USP40: variants seen among roughly 807,000 people sequenced by gnomAD.
USP40 encodes ubiquitin specific peptidase 40, also known as ubiquitin carboxyl-terminal hydrolase 40.
In USP40, 143 loss-of-function variants were observed where a neutral mutation model predicts 166.2. The observed-to-expected ratio is 0.86, with a 90% confidence interval of 0.75 to 0.99. The LOEUF is 0.99. Ranked by LOEUF, USP40 falls within the 50% of genes least tolerant of loss-of-function variation. USP40 has a pLI of 0.00. For missense variants in USP40, 1,444 were observed against 1,479.7 expected (o/e 0.98, Z 0.40); for synonymous variants, 498 against 524.0 (o/e 0.95, Z 0.68).
intron 4 of USP40, among the ~76,000 whole-genome samples, chr2:233,558,557 G>A (rs1170384565): frequency 1.3e-5 from 2 of 152,130 alleles, no homozygotes; most frequent in Non-Finnish European, 1.5e-5. Context: ...TCCAGAATAG[G>A]CAAATTCATA....
chr2:233,548,479 G>A (rs1037007677), intron 8 of USP40, among the ~76,000 whole-genome samples: 3 of 152,090 alleles, frequency 2.0e-5, no homozygotes, highest in Non-Finnish European at 4.4e-5. Context: ...GAATTGTGCT[G>A]TCTCTTTATG....
At chr2:233,516,675 G>A (rs9287602) in intron 18 of USP40, among the ~76,000 whole-genome samples, 1,963 of 149,738 alleles carry the variant, frequency 0.013, 40 homozygotes, top group African/African-American at 0.045. Context: ...GTGACAGAGC[G>A]AGACTCCATC....
intron 21 of USP40, among the ~76,000 whole-genome samples, chr2:233,501,277 C>T (rs1326613613): frequency 6.6e-6 from 1 of 152,134 alleles, no homozygotes; most frequent in Non-Finnish European, 1.5e-5. Context: ...GGCTGAAGCA[C>T]AGTGAGTAAG....
intron 25 of USP40, among the ~76,000 whole-genome samples, chr2:233,491,603 CGTGTGTGTGT>C (rs3075066): frequency 0.013 from 1,937 of 150,036 alleles, 38 homozygotes; most frequent in East Asian, 0.085. Context: ...ACCTGTTCCT[CGTGTGTGTGT>C]GTGTGTGTGT....
At chr2:233,483,472 C>T (rs562100666) in intron 30 of USP40, among the ~76,000 whole-genome samples, 1 of 152,248 alleles carries the variant, frequency 6.6e-6, no homozygotes, top group South Asian at 2.1e-4. Context: ...ACCTGGGTGA[C>T]GGAGTGAGAC....
Position 233,486,075 on chromosome 2 carries a change from T to C in USP40, c.3198-98A>G. The C allele has an allele frequency of 3.0e-6, 4 of 1,353,246 alleles. No homozygotes were observed. Among genetic ancestry groups the C allele is most frequent in the Non-Finnish European group, 4.0e-6 (4 of 1,008,074 alleles). 83.8% of individuals were successfully genotyped at this position (1,353,246 alleles called of 1,614,324 possible). On this transcript the variant is annotated intron_variant, in intron 28 of 31. Transcript: ENST00000678225. The surrounding 1 kb of genome is among the most constrained non-coding windows in gnomAD (Gnocchi z 4.0). ...GGCAAAGCTTCTCCTCCAGCTTTTC[T>C]GGTTTTTATAAGGAGAGATTTTTCC...
chr2:233,562,354 G>T (rs1473717682), intron 3 of USP40, among the ~76,000 whole-genome samples: 4 of 150,028 alleles, frequency 2.7e-5, no homozygotes, highest in Admixed American at 6.6e-5. Context: ...AGAAACTGTG[G>T]CACATATACA....
intron 30 of USP40, 31 bp from the exon 31 acceptor site, chr2:233,481,328 T>C (rs2064574719): frequency 6.4e-7 from 1 of 1,553,784 alleles, no homozygotes; most frequent in Non-Finnish European, 8.7e-7. Flanking sequence ...TGAGCAGTGT[T>C]TTCTGACATC....
chr2:233,477,385 G>T lies in USP40; in HGVS notation c.*7C>A, dbSNP rs372824643. 6.2e-7 allele frequency: 1 copy of T among 1,612,536 alleles called. No homozygotes were observed. Among genetic ancestry groups the T allele is most frequent in the Non-Finnish European group, 8.5e-7 (1 of 1,179,194 alleles). On this transcript the variant is annotated 3_prime_UTR_variant, in exon 32 of 32. Transcript: ENST00000678225. ...TTCATCGGGAGTAGAGCCGTGCAGC[G>T]GCGCGGTTATCTGAAGCTCCCCACG...
intron 18 of USP40, among the ~76,000 whole-genome samples, chr2:233,518,251 TAAAAAAAA>T (rs1156279626): frequency 1.0e-4 from 5 of 49,798 alleles, no homozygotes; most frequent in African/African-American, 3.5e-4. Flanking sequence ...TAACAGATTC[TAAAAAAAA>T]AAAAAAAAAA....
At chr2:233,499,982 C>T (rs1461805208) in intron 21 of USP40, 67 bp from the exon 22 acceptor site, 4 of 1,386,728 alleles carry the variant, frequency 2.9e-6, no homozygotes, top group Admixed American at 3.8e-5. Flanking sequence ...GACAAACACC[C>T]TTTTTGGACC....
At chr2:233,510,446 A>AGG in intron 20 of USP40, among the ~76,000 whole-genome samples, 1 of 111,338 alleles carries the variant, frequency 9.0e-6, no homozygotes, top group Middle Eastern at 0.011. Flanking sequence ...CTTGTTGCCC[A>AGG]GGCTGGAGTG....
intron 22 of USP40, among the ~76,000 whole-genome samples, chr2:233,499,434 T>C (rs944720841): frequency 6.6e-6 from 1 of 152,210 alleles, no homozygotes; most frequent in African/African-American, 2.4e-5. Context: ...GTTGATTCCA[T>C]GTCTTTGCTA....
chr2:233,550,565 C>T (rs2070457498), intron 7 of USP40, among the ~76,000 whole-genome samples: 1 of 151,040 alleles, frequency 6.6e-6, no homozygotes, highest in African/African-American at 2.4e-5. Flanking sequence ...TGTGAAGATC[C>T]CGAATTTAAG....
chr2:233,490,265 G>A (rs2065251671), intron 26 of USP40, among the ~76,000 whole-genome samples: 1 of 147,438 alleles, frequency 6.8e-6, no homozygotes, highest in Non-Finnish European at 1.5e-5. Context: ...CTGGGTTCAA[G>A]TGATTCTCCT....
chr2:233,527,933 G>A (rs562525365), intron 12 of USP40, among the ~76,000 whole-genome samples: 1 of 151,348 alleles, frequency 6.6e-6, no homozygotes, highest in East Asian at 1.9e-4. Flanking sequence ...TTACTTCCAT[G>A]TCATCTATCA....
At chr2:233,477,827 G>A (rs2064269011) in intron 31 of USP40, among the ~76,000 whole-genome samples, 1 of 152,224 alleles carries the variant, frequency 6.6e-6, no homozygotes, top group Non-Finnish European at 1.5e-5. Context: ...ATAACATCCG[G>A]AGTGCACACA....
intron 7 of USP40, among the ~76,000 whole-genome samples, 178 bp downstream of exon 7, chr2:233,551,198 T>C (rs1002330835): frequency 1.3e-5 from 2 of 152,226 alleles, no homozygotes; most frequent in African/African-American, 2.4e-5. Flanking sequence ...AGGGCAGGGA[T>C]GCTGCTAAAC....
chr2:233,505,003 G>A (rs1385695679), intron 21 of USP40, among the ~76,000 whole-genome samples: 1 of 151,976 alleles, frequency 6.6e-6, no homozygotes, highest in East Asian at 1.9e-4. Flanking sequence ...ATCATATCAA[G>A]TATTTTTTCT....
Sources: allele counts gnomAD v4.1 joint callset (sites outside exome capture counted in the v4.1 genomes callset), GRCh38; gene constraint gnomAD v4.1.1; non-coding constraint Gnocchi (gnomAD v3.1); transcripts MANE v1.5; gene names NCBI Gene and HGNC (gene_info 2026-07-23, HGNC 2026-07-21).